Variants in GRIN3A observed in about 807,000 individuals in gnomAD.
GRIN3A encodes the protein glutamate ionotropic receptor NMDA type subunit 3A.
GRIN3A carries 47 observed loss-of-function variants against 92.4 expected under a neutral mutation model. That is an observed-to-expected ratio of 0.51 (90% confidence interval 0.40 to 0.65). GRIN3A has a LOEUF of 0.65. Among genes scored for constraint, GRIN3A ranks in the 30% least tolerant of loss-of-function variants. GRIN3A has a pLI of 0.00. For missense variants in GRIN3A, 1,324 were observed against 1,393.1 expected, an observed-to-expected ratio of 0.95 and a Z score of 0.79; for synonymous variants, 527 against 540.6, an observed-to-expected ratio of 0.97 and a Z score of 0.35.
chr9:101,624,390 A>C (rs1210989845), intron 4 of GRIN3A, among the ~76,000 whole-genome samples: 2 of 95,182 alleles, frequency 2.1e-5, no homozygotes, highest in African/African-American at 4.2e-5. Flanking sequence ...CCACCCCACA[A>C]CAGTCCCCAG....
At chr9:101,709,830 G>T (rs1829857786) in intron 1 of GRIN3A, among the ~76,000 whole-genome samples, 1 of 152,102 alleles carries the variant, frequency 6.6e-6, no homozygotes, top group Non-Finnish European at 1.5e-5. Flanking sequence ...CCAAGGAAGT[G>T]AAACACTCTA....
intron 1 of GRIN3A, among the ~76,000 whole-genome samples, chr9:101,727,566 A>G (rs1447933022): frequency 6.6e-6 from 1 of 152,074 alleles, no homozygotes; most frequent in African/African-American, 2.4e-5. Flanking sequence ...GTAAGACTTT[A>G]TCTCATTTTT....
At chr9:101,620,943 T>A (rs55749212) in intron 5 of GRIN3A, among the ~76,000 whole-genome samples, 25,241 of 152,060 alleles carry the variant, frequency 0.17, 2,372 homozygotes, top group Non-Finnish European at 0.21. Context: ...GTTAAAAATA[T>A]ATGCTATCCT....
chr9:101,623,429 C>G lies in GRIN3A; in HGVS notation c.2503G>C (p.Asp835His). The G allele has an allele frequency of 6.3e-7, 1 of 1,592,248 alleles. No individual in the cohort carries two copies. Among genetic ancestry groups the G allele is most frequent in the South Asian group, 1.1e-5 (1 of 90,652 alleles). Reference sequence around the variant, plus strand: ...ATGAAGGCGTCTAGTTTCTCTGGATCATTCCTATATTTAAGACCAGAGGAG... The same window carrying G: ...ATGAAGGCGTCTAGTTTCTCTGGATGATTCCTATATTTAAGACCAGAGGAG... Reference protein sequence around the residue: ...TPDGVEYLKNDPEKLDAFIMD... With the variant: ...TPDGVEYLKNHPEKLDAFIMD... Residue 835 changes from aspartate to histidine, a missense_variant, in exon 5 of 9, where the codon GAT becomes CAT. Physicochemically the swap from Asp to His is moderately conservative, Grantham distance 81. Transcript: ENST00000361820.
chr9:101,580,081 T>C (rs1827869891), intron 6 of GRIN3A, among the ~76,000 whole-genome samples: 2 of 152,218 alleles, frequency 1.3e-5, no homozygotes, highest in Non-Finnish European at 2.9e-5. Flanking sequence ...GAAGCTCAAC[T>C]GCACATGTGC....
chr9:101,695,215 G>C (rs1004527260), intron 1 of GRIN3A, among the ~76,000 whole-genome samples: 1 of 152,212 alleles, frequency 6.6e-6, no homozygotes, highest in Non-Finnish European at 1.5e-5. Flanking sequence ...GCAAGAGCTA[G>C]AGTGGTGGTG....
intron 2 of GRIN3A, among the ~76,000 whole-genome samples, chr9:101,683,383 TTTAAGAACAA>T (rs1287427395): frequency 1.3e-5 from 2 of 152,286 alleles, no homozygotes; most frequent in East Asian, 3.9e-4. Flanking sequence ...CCTTACAAAA[TTTAAGAACAA>T]TTAAGAAAAT....
At chr9:101,722,567 C>T (rs1449760349) in intron 1 of GRIN3A, among the ~76,000 whole-genome samples, 1 of 152,168 alleles carries the variant, frequency 6.6e-6, no homozygotes, top group African/African-American at 2.4e-5. Flanking sequence ...GAGGCTGTAC[C>T]CTGCAAAGCC....
In GRIN3A at chr9:101,570,419, A is replaced by G. The variant is rs1827743006; in HGVS notation, c.*2755T>C. 1 of 152,656 alleles carries G rather than the reference A, an allele frequency of 6.6e-6. No homozygotes were observed. Among genetic ancestry groups the G allele is most frequent in the Admixed American group, 6.5e-5 (1 of 15,274 alleles). 9.5% of individuals were successfully genotyped at this position (152,656 alleles called of 1,614,324 possible). ...ACCCACCATTTCATGACATCATTTTACAAAACACAATACACTGTTTCACAA... is the reference window on the plus strand; with the variant it reads ...ACCCACCATTTCATGACATCATTTTGCAAAACACAATACACTGTTTCACAA... On this transcript the variant is annotated 3_prime_UTR_variant, in exon 9 of 9. Coordinates refer to ENST00000361820, the MANE Select transcript of GRIN3A (RefSeq NM_133445.3).
At chr9:101,625,454 G>T (rs914187945) in intron 4 of GRIN3A, among the ~76,000 whole-genome samples, 1 of 152,144 alleles carries the variant, frequency 6.6e-6, no homozygotes, top group Non-Finnish European at 1.5e-5. Flanking sequence ...ATCCTTACAC[G>T]AATGGCTTTG....
intron 3 of GRIN3A, among the ~76,000 whole-genome samples, chr9:101,657,247 G>A (rs1467994853): frequency 6.6e-6 from 1 of 151,804 alleles, no homozygotes; most frequent in African/African-American, 2.4e-5. Context: ...TGCCAATTCA[G>A]TAAAACAAAA....
chr9:101,630,772 C>G (rs1046446928), intron 3 of GRIN3A, among the ~76,000 whole-genome samples: 1 of 152,180 alleles, frequency 6.6e-6, no homozygotes, highest in Admixed American at 6.5e-5. Context: ...TAAAGTAACA[C>G]CAACTTCTCA....
intron 6 of GRIN3A, chr9:101,595,035 T>G: frequency 8.8e-7 from 1 of 1,133,806 alleles, no homozygotes; most frequent in Non-Finnish European, 1.2e-6. Context: ...GGTAGAGGGC[T>G]CCCGGGGGCC....
chr9:101,721,183 C>T (rs987636217), intron 1 of GRIN3A, among the ~76,000 whole-genome samples: 5 of 152,080 alleles, frequency 3.3e-5, no homozygotes, highest in South Asian at 2.1e-4. Context: ...ATCATGGGGG[C>T]CAGTTTTCCC....
At chr9:101,688,988 C>G (rs1250831186) in intron 1 of GRIN3A, among the ~76,000 whole-genome samples, 1 of 152,158 alleles carries the variant, frequency 6.6e-6, no homozygotes, top group Non-Finnish European at 1.5e-5. Context: ...GGTGTCCAGG[C>G]TTGAGCTGCC....
At chr9:101,634,844 T>C (rs1303350272) in intron 3 of GRIN3A, among the ~76,000 whole-genome samples, 1 of 152,204 alleles carries the variant, frequency 6.6e-6, no homozygotes. Context: ...GGGGACACTA[T>C]TGATGATCAC....
chr9:101,604,039 C>T (rs1447595075), intron 6 of GRIN3A, among the ~76,000 whole-genome samples: 11 of 152,160 alleles, frequency 7.2e-5, no homozygotes, highest in African/African-American at 2.4e-5. Context: ...CTCTTGAGCT[C>T]CTATGAGCTC....
intron 3 of GRIN3A, among the ~76,000 whole-genome samples, chr9:101,633,120 C>T (rs553275843): frequency 5.4e-4 from 82 of 152,072 alleles, no homozygotes; most frequent in Non-Finnish European, 9.0e-4. Flanking sequence ...CAAAATGAGG[C>T]GAACTCGGGA....
intron 6 of GRIN3A, among the ~76,000 whole-genome samples, chr9:101,590,396 T>A (rs569314204): frequency 1.6e-3 from 229 of 145,996 alleles, no homozygotes; most frequent in African/African-American, 4.6e-3. Context: ...TTATTTATTT[T>A]TTTGAGATGG....
Sources: gnomAD v4.1 joint callset for allele counts (sites outside exome capture counted in the v4.1 genomes callset) on GRCh38, gnomAD v4.1.1 for gene constraint, MANE v1.5 for transcripts, NCBI Gene and HGNC (gene_info 2026-07-23, HGNC 2026-07-21) for gene names.